The following KLHL29 variants were observed in gnomAD, a reference collection of about 807,000 sequenced individuals.
The protein encoded by KLHL29 is kelch-like protein 29.
KLHL29 carries 21 observed loss-of-function variants against 80.4 expected under a neutral mutation model. The ratio of observed to expected loss-of-function variants is 0.26; its 90% CI spans 0.19 to 0.38. KLHL29 has a LOEUF of 0.38. Among genes scored for constraint, KLHL29 ranks in the 10% least tolerant of loss-of-function variants. The pLI is 1.00. For missense variants in KLHL29, 867 were observed against 1,223.9 expected, an observed-to-expected ratio of 0.71 and a Z score of 4.35; for synonymous variants, 511 against 526.8, an observed-to-expected ratio of 0.97 and a Z score of 0.41.
At chr2:23,428,537 G>T (rs2103406733) in intron 1 of KLHL29, among the ~76,000 whole-genome samples, 1 of 152,222 alleles carries the variant, frequency 6.6e-6, no homozygotes, top group African/African-American at 2.4e-5. Context: ...AGGCACCATT[G>T]CCAGAGTGCA....
chr2:23,696,526 C>G lies in KLHL29; in HGVS notation c.2105+13C>G. ...ACCACGTGGAGAGGTAATGAGGCCA[C>G]GGTCAGGACAGGGGCATGCTCTTTG... On this transcript the variant is annotated intron_variant, in intron 11 of 13. Coordinates refer to ENST00000486442, the MANE Select transcript of KLHL29 (RefSeq NM_052920.2). This position sits in a 1 kb window ranked among gnomAD's most constrained non-coding sequence, Gnocchi z 5.5. The G allele has an allele frequency of 4.0e-6, 6 of 1,509,234 alleles. No homozygotes were observed. The highest frequency in any genetic ancestry group is 5.3e-6 in the Non-Finnish European group (6 of 1,126,370). The allele number at this position is 1,509,234 out of a possible 1,614,324, so 93.5% of individuals were successfully genotyped here.
intron 3 of KLHL29, among the ~76,000 whole-genome samples, chr2:23,623,488 G>A (rs1230584223): frequency 6.6e-6 from 1 of 152,222 alleles, no homozygotes; most frequent in African/African-American, 2.4e-5. Flanking sequence ...AAACTGAAAT[G>A]AGTCAGATTG....
chr2:23,500,705 A>G (rs1158409814), intron 2 of KLHL29, among the ~76,000 whole-genome samples: 1 of 152,238 alleles, frequency 6.6e-6, no homozygotes, highest in African/African-American at 2.4e-5. Flanking sequence ...AAACTGGACT[A>G]TTTTGAGTTT....
At chr2:23,430,983 C>T (rs1401919079) in intron 1 of KLHL29, among the ~76,000 whole-genome samples, 1 of 152,216 alleles carries the variant, frequency 6.6e-6, no homozygotes, top group African/African-American at 2.4e-5. Flanking sequence ...CCAGATATCC[C>T]TACACTGAAA....
At chr2:23,558,160 C>G (rs1363621892) in intron 2 of KLHL29, among the ~76,000 whole-genome samples, 1 of 151,812 alleles carries the variant, frequency 6.6e-6, no homozygotes, top group African/African-American at 2.4e-5. Flanking sequence ...TGGGAGAGTT[C>G]CTCCTTGTGC....
At chr2:23,513,098 A>G (rs1228377175) in intron 2 of KLHL29, among the ~76,000 whole-genome samples, 5 of 152,232 alleles carry the variant, frequency 3.3e-5, no homozygotes, top group Admixed American at 6.5e-5. Context: ...GTGCTTCTCA[A>G]AGGGTCTCAC....
intron 2 of KLHL29, among the ~76,000 whole-genome samples, chr2:23,515,877 A>C (rs1401641978): frequency 1.3e-5 from 2 of 152,140 alleles, no homozygotes; most frequent in African/African-American, 2.4e-5. Context: ...TGGCTCCATG[A>C]GTGAGTTAGT....
At chr2:23,655,901 C>T (rs997448613) in intron 5 of KLHL29, among the ~76,000 whole-genome samples, 1 of 152,170 alleles carries the variant, frequency 6.6e-6, no homozygotes, top group Non-Finnish European at 1.5e-5. Flanking sequence ...GGAATCATCA[C>T]GCGGCATCCC....
At chr2:23,569,441 A>G (rs1042293632) in intron 3 of KLHL29, among the ~76,000 whole-genome samples, 1 of 152,236 alleles carries the variant, frequency 6.6e-6, no homozygotes, top group East Asian at 1.9e-4. Context: ...ATCACTCAAG[A>G]TGAACATAAA....
intron 3 of KLHL29, among the ~76,000 whole-genome samples, chr2:23,618,660 G>A (rs775267395): frequency 6.6e-6 from 1 of 152,152 alleles, no homozygotes; most frequent in African/African-American, 2.4e-5. Context: ...GGGACTTCTC[G>A]GCCTCCATGG....
chr2:23,390,125 TGAAAACAG>T (rs1339258945), intron 1 of KLHL29, among the ~76,000 whole-genome samples: 8 of 152,228 alleles, frequency 5.3e-5, no homozygotes, highest in African/African-American at 1.9e-4. Context: ...GGAAACCACT[TGAAAACAG>T]GAAAACTGAA....
chr2:23,634,352 A>C (rs1173967560), intron 3 of KLHL29, among the ~76,000 whole-genome samples: 1 of 149,902 alleles, frequency 6.7e-6, no homozygotes, highest in African/African-American at 2.4e-5. Context: ...TGTCTCTGTC[A>C]GATGTATCTA....
chr2:23,570,607 G>A (rs561305501), intron 3 of KLHL29, among the ~76,000 whole-genome samples: 6 of 152,150 alleles, frequency 3.9e-5, no homozygotes, highest in Non-Finnish European at 7.3e-5. Context: ...GCTCTTGCCC[G>A]GCCCAGTTGG....
chr2:23,565,573 C>T (rs1667570434), intron 3 of KLHL29, among the ~76,000 whole-genome samples: 1 of 151,606 alleles, frequency 6.6e-6, no homozygotes, highest in Non-Finnish European at 1.5e-5. Flanking sequence ...GCCAGGTGAC[C>T]AAGGGAAGGG....
intron 2 of KLHL29, among the ~76,000 whole-genome samples, chr2:23,488,003 C>A (rs1450974572): frequency 6.6e-6 from 1 of 152,152 alleles, no homozygotes; most frequent in African/African-American, 2.4e-5. Context: ...TAACCTCCTA[C>A]GGCCAGTGAT....
intron 5 of KLHL29, chr2:23,672,903 C>G (rs1670806032): frequency 6.6e-6 from 1 of 152,316 alleles, no homozygotes; most frequent in Admixed American, 6.5e-5. Context: ...AAGCCCCAAG[C>G]CAGGGGAGCA....
At chr2:23,413,068 C>CT (rs1666903631) in intron 1 of KLHL29, among the ~76,000 whole-genome samples, 1 of 152,196 alleles carries the variant, frequency 6.6e-6, no homozygotes. Context: ...CTGCAGTTCT[C>CT]TATTTCATCC....
intron 1 of KLHL29, among the ~76,000 whole-genome samples, chr2:23,425,274 C>A (rs1359330728): frequency 1.3e-5 from 2 of 151,916 alleles, no homozygotes; most frequent in African/African-American, 4.8e-5. Context: ...GAAAGGAGTT[C>A]ATTAGTCAAA....
In KLHL29 at chr2:23,696,742, A is replaced by AGAT; in HGVS notation, c.2105+231_2105+233dup. 2.1e-6 allele frequency: 1 copy of AGAT among 479,554 alleles called. No homozygotes were observed. The highest frequency in any genetic ancestry group is 3.7e-6 in the Non-Finnish European group (1 of 273,146). The allele number at this position is 479,554 out of a possible 1,614,324, so 29.7% of individuals were successfully genotyped here. ...TCACCTTTGCAGTCGCTGAGATGGG[A>AGAT]GATGGGGCGCTTCTGTCCCGACAAC... On this transcript the variant is annotated intron_variant, in intron 11 of 13. Coordinates refer to ENST00000486442, the MANE Select transcript of KLHL29 (RefSeq NM_052920.2). This position sits in a 1 kb window ranked among gnomAD's most constrained non-coding sequence, Gnocchi z 5.5.
Sources: allele counts gnomAD v4.1 joint callset (sites outside exome capture counted in the v4.1 genomes callset), GRCh38; gene constraint gnomAD v4.1.1; non-coding constraint Gnocchi (gnomAD v3.1); transcripts MANE v1.5; gene names NCBI Gene and HGNC (gene_info 2026-07-23, HGNC 2026-07-21).